The following MCTP1 variants were observed in gnomAD, a reference collection of about 807,000 sequenced individuals.
The protein encoded by MCTP1 is multiple C2 and transmembrane domain-containing protein 1.
MCTP1 carries 69 observed loss-of-function variants against 120.6 expected under a neutral mutation model. The observed-to-expected ratio is 0.57, with a 90% confidence interval of 0.47 to 0.70. The LOEUF is 0.70. Ranked by LOEUF, MCTP1 falls within the 30% of genes least tolerant of loss-of-function variation. MCTP1 has a pLI of 0.00. For synonymous variants in MCTP1, 529 were observed against 493.1 expected (o/e 1.07, Z -0.96); for missense variants, 1,203 against 1,248.8 (o/e 0.96, Z 0.55).
intron 17 of MCTP1, among the ~76,000 whole-genome samples, chr5:94,858,882 C>T (rs1795206899): frequency 6.6e-6 from 1 of 151,648 alleles, no homozygotes; most frequent in Non-Finnish European, 1.5e-5. Flanking sequence ...ATTCCAAACA[C>T]CAAGCCAGGA....
At chr5:94,997,357 T>C (rs766277765) in intron 2 of MCTP1, among the ~76,000 whole-genome samples, 3 of 152,166 alleles carry the variant, frequency 2.0e-5, no homozygotes, top group Non-Finnish European at 4.4e-5. Context: ...CCTAGGAACA[T>C]CAGATAACCA....
chr5:95,011,803 A>G (rs11952704), intron 2 of MCTP1, among the ~76,000 whole-genome samples: 18,254 of 152,130 alleles, frequency 0.12, 1,524 homozygotes, highest in East Asian at 0.4. Context: ...ATGGACTAAT[A>G]CAACCATTAT....
intron 1 of MCTP1, among the ~76,000 whole-genome samples, chr5:95,094,462 G>A (rs115998119): frequency 0.026 from 3,974 of 152,260 alleles, 153 homozygotes; most frequent in African/African-American, 0.088. Context: ...CTCATAAGAT[G>A]TAAATTCTGT....
intron 17 of MCTP1, among the ~76,000 whole-genome samples, chr5:94,835,459 A>G (rs1343938637): frequency 6.6e-6 from 1 of 152,232 alleles, no homozygotes; most frequent in Non-Finnish European, 1.5e-5. Flanking sequence ...AGGGTGTGAT[A>G]TGGCTCTGAG....
chr5:94,978,015 A>G (rs974759683), intron 2 of MCTP1, among the ~76,000 whole-genome samples: 3 of 152,150 alleles, frequency 2.0e-5, no homozygotes, highest in African/African-American at 7.2e-5. Flanking sequence ...AATTTCTACA[A>G]CACAATAGCA....
At chr5:94,906,694 A>T (rs1807012098) in intron 10 of MCTP1, among the ~76,000 whole-genome samples, 1 of 152,218 alleles carries the variant, frequency 6.6e-6, no homozygotes, top group African/African-American at 2.4e-5. Context: ...AGTAAAATAG[A>T]CAATTATAAA....
intron 1 of MCTP1, among the ~76,000 whole-genome samples, chr5:95,215,252 C>A (rs1752910322): frequency 6.6e-6 from 1 of 152,136 alleles, no homozygotes; most frequent in South Asian, 2.1e-4. Flanking sequence ...CTGATCAATT[C>A]AATTAACTGA....
intron 2 of MCTP1, among the ~76,000 whole-genome samples, chr5:94,989,986 C>A (rs1831213026): frequency 6.6e-6 from 1 of 152,100 alleles, no homozygotes; most frequent in South Asian, 2.1e-4. Flanking sequence ...GAGTTGTATC[C>A]TTTATAATAA....
At chr5:94,973,453 GT>G (rs1259152187) in intron 2 of MCTP1, among the ~76,000 whole-genome samples, 1 of 152,056 alleles carries the variant, frequency 6.6e-6, no homozygotes, top group Admixed American at 6.6e-5. Context: ...CAGAGTATTG[GT>G]TACACCCACT....
chr5:95,240,049 CAT>C (rs1755990782), intron 1 of MCTP1, among the ~76,000 whole-genome samples: 2 of 151,952 alleles, frequency 1.3e-5, no homozygotes, highest in Admixed American at 6.6e-5. Flanking sequence ...TTTGCATTGG[CAT>C]TTAAACTTTT....
chr5:95,085,717 T>C (rs1201609858), intron 1 of MCTP1, among the ~76,000 whole-genome samples: 1 of 152,106 alleles, frequency 6.6e-6, no homozygotes, highest in Non-Finnish European at 1.5e-5. Flanking sequence ...CAACAGTGTA[T>C]AAGAATTTTT....
chr5:95,004,323 T>C (rs1279178114), intron 2 of MCTP1, among the ~76,000 whole-genome samples: 2 of 152,326 alleles, frequency 1.3e-5, no homozygotes, highest in African/African-American at 2.4e-5. Flanking sequence ...CATACAAGTT[T>C]GGAAAATTTG....
intron 17 of MCTP1, among the ~76,000 whole-genome samples, chr5:94,811,698 G>A (rs764682910): frequency 1.3e-5 from 2 of 152,120 alleles, no homozygotes; most frequent in Non-Finnish European, 2.9e-5. Context: ...AAATTAGTCC[G>A]CAAAACAGAT....
At chr5:95,260,123 C>A (rs1017629096) in intron 1 of MCTP1, among the ~76,000 whole-genome samples, 1 of 152,106 alleles carries the variant, frequency 6.6e-6, no homozygotes. Flanking sequence ...ACTATGCCTT[C>A]CCCATGTATC....
chr5:94,883,050 T>A (rs991894583), intron 12 of MCTP1, among the ~76,000 whole-genome samples: 8 of 152,202 alleles, frequency 5.3e-5, no homozygotes, highest in African/African-American at 1.9e-4. Context: ...AAAATGCAAT[T>A]ACTAAAGAAA....
chr5:95,181,454 G>A (rs933566860), intron 1 of MCTP1, among the ~76,000 whole-genome samples: 4 of 152,124 alleles, frequency 2.6e-5, no homozygotes, highest in Non-Finnish European at 1.5e-5. Context: ...ATTGCCTAAA[G>A]GTCAGCTCAG....
chr5:95,211,548 G>T (rs201853194), intron 1 of MCTP1, among the ~76,000 whole-genome samples: 7 of 152,074 alleles, frequency 4.6e-5, no homozygotes, highest in African/African-American at 1.4e-4. Flanking sequence ...GCACTTCTCT[G>T]TATTGGTTAT....
intron 3 of MCTP1, among the ~76,000 whole-genome samples, chr5:94,947,577 T>TATATATATATATATATATAGAGAGAG: frequency 2.5e-4 from 12 of 47,386 alleles, no homozygotes; most frequent in Non-Finnish European, 3.6e-4. Flanking sequence ...TATATATATA[T>TATATATATATATATATATAGAGAGAG]AGAGAGAGAG....
At chr5:94,925,471 C>T (rs1360958338) in intron 6 of MCTP1, among the ~76,000 whole-genome samples, 1 of 151,942 alleles carries the variant, frequency 6.6e-6, no homozygotes, top group East Asian at 1.9e-4. Flanking sequence ...TGCAGTGGCG[C>T]AATCTCGGCT....
Sources: allele counts gnomAD v4.1 joint callset (sites outside exome capture counted in the v4.1 genomes callset), GRCh38; gene constraint gnomAD v4.1.1; transcripts MANE v1.5; gene names NCBI Gene and HGNC (gene_info 2026-07-23, HGNC 2026-07-21).